Variants in PLA2R1 observed in about 807,000 individuals in gnomAD.
The protein encoded by PLA2R1 is phospholipase A2 receptor 1, also known as secretory phospholipase A2 receptor.
In PLA2R1, 158 loss-of-function variants were observed where a neutral mutation model predicts 195.9. The ratio of observed to expected loss-of-function variants is 0.81; its 90% CI spans 0.71 to 0.92. PLA2R1 has a LOEUF of 0.92. Among genes scored for constraint, PLA2R1 ranks in the 40% least tolerant of loss-of-function variants. The probability of loss-of-function intolerance (pLI) is 0.00; values close to 1 mark genes in which losing one functional copy is unlikely to be tolerated. For missense variants in PLA2R1, 1,626 were observed against 1,764.6 expected, an observed-to-expected ratio of 0.92 and a Z score of 1.41; for synonymous variants, 586 against 598.2, an observed-to-expected ratio of 0.98 and a Z score of 0.30.
intron 14 of PLA2R1, among the ~76,000 whole-genome samples, chr2:159,979,133 C>T (rs546799270): frequency 1.3e-5 from 2 of 152,144 alleles, no homozygotes; most frequent in Non-Finnish European, 2.9e-5. Flanking sequence ...CCCCATTTCA[C>T]AGGTGAAAGT....
intron 13 of PLA2R1, among the ~76,000 whole-genome samples, chr2:159,982,425 C>T (rs746737166): frequency 1.3e-5 from 2 of 152,110 alleles, no homozygotes; most frequent in Admixed American, 1.3e-4. Flanking sequence ...CAGCATTTCC[C>T]GTAGGGACTA....
chr2:160,026,208 G>C (rs991319188), intron 6 of PLA2R1, among the ~76,000 whole-genome samples: 21 of 152,280 alleles, frequency 1.4e-4, no homozygotes, highest in African/African-American at 4.8e-4. Flanking sequence ...GAAGTAAAGA[G>C]ACTTGACAGA....
chr2:160,009,213 G>A (rs1473888287), intron 10 of PLA2R1, among the ~76,000 whole-genome samples: 1 of 152,208 alleles, frequency 6.6e-6, no homozygotes, highest in African/African-American at 2.4e-5. Context: ...AGGCATACAT[G>A]CCAAAGAATT....
At chr2:159,945,856 G>T (rs1687354242) in intron 27 of PLA2R1, 3 of 916,242 alleles carry the variant, frequency 3.3e-6, no homozygotes, top group East Asian at 1.2e-4. Context: ...TCTTATTTAG[G>T]TCATTTAGGT....
At chr2:159,990,778 G>C (rs1288271744) in intron 11 of PLA2R1, among the ~76,000 whole-genome samples, 3 of 152,174 alleles carry the variant, frequency 2.0e-5, no homozygotes, top group African/African-American at 4.8e-5. Flanking sequence ...GCCTGATTAT[G>C]CAGTTGGAAA....
intron 10 of PLA2R1, among the ~76,000 whole-genome samples, chr2:160,011,075 C>T (rs886709813): frequency 6.6e-6 from 1 of 152,214 alleles, no homozygotes; most frequent in Non-Finnish European, 1.5e-5. Flanking sequence ...GCGCTGGCTA[C>T]TGAATACAGT....
downstream of PLA2R1, among the ~76,000 whole-genome samples, chr2:159,931,212 A>T (rs1686578024): frequency 6.6e-6 from 1 of 152,186 alleles, no homozygotes; most frequent in African/African-American, 2.4e-5. Context: ...ATTGTACTAG[A>T]CATTGTAATT....
intron 11 of PLA2R1, among the ~76,000 whole-genome samples, chr2:159,993,684 G>A (rs1690997976): frequency 1.3e-5 from 2 of 151,810 alleles, no homozygotes. Flanking sequence ...AAGACTACTA[G>A]GATCACATCA....
rs1687092748 is a variant in PLA2R1, at chr2:159,941,708, A to C, written c.*70T>G. ...TAATGGCATCTGTGCTGTAAAGGGA[A>C]AGACAGATGAGACTCCTGTTTAGTC... On this transcript the variant is annotated 3_prime_UTR_variant, in exon 30 of 30. Transcript: ENST00000283243. The C allele has an allele frequency of 2.5e-6, 2 of 789,050 alleles. No homozygotes were observed. Among genetic ancestry groups the C allele is most frequent in the Non-Finnish European group, 4.3e-6 (2 of 464,022 alleles). The allele number at this position is 789,050 out of a possible 1,614,324, so 48.9% of individuals were successfully genotyped here.
chr2:159,983,856 C>T (rs1058440), intron 13 of PLA2R1, 72 bp downstream of exon 13: 30,057 of 741,284 alleles, frequency 0.041, 770 homozygotes, highest in Non-Finnish European at 0.051. Flanking sequence ...ACTTGGGATA[C>T]TCACCCCTCA....
intron 1 of PLA2R1, among the ~76,000 whole-genome samples, chr2:160,051,934 T>G (rs1695236895): frequency 2.6e-5 from 4 of 152,228 alleles, no homozygotes; most frequent in African/African-American, 9.6e-5. Flanking sequence ...TCAGTTGCCT[T>G]CTATTAATCA....
In PLA2R1 at chr2:159,990,890, C is replaced by A. The variant is rs79050539; in HGVS notation, c.1835-3532G>T. ...TTATTTGGGTCTACTGTGAGACAGG[C>A]ACTGTGCTAGGCAATTTATATGGTC... On this transcript the variant is annotated intron_variant, in intron 11 of 29. Transcript: ENST00000283243. 8.5e-3 allele frequency among the ~76,000 whole-genome samples: 1,269 copies of A among 149,460 alleles called. 8 individuals carry two copies. The highest frequency in any genetic ancestry group is 0.014 in the Non-Finnish European group (960 of 67,766).
intron 28 of PLA2R1, among the ~76,000 whole-genome samples, chr2:159,943,014 C>T (rs115901400): frequency 0.029 from 4,395 of 151,168 alleles, 202 homozygotes; most frequent in African/African-American, 0.1. Flanking sequence ...CTCTGTTGCC[C>T]GGGCCAGAGT....
At chr2:159,950,729 G>A (rs542731830) in intron 24 of PLA2R1, among the ~76,000 whole-genome samples, 1 of 152,094 alleles carries the variant, frequency 6.6e-6, no homozygotes, top group South Asian at 2.1e-4. Context: ...GTGTATACAT[G>A]GAAAATTTCT....
In PLA2R1 at chr2:159,969,264, GA is replaced by G; in HGVS notation, c.2755del (p.Ser919LeufsTer2). ...NQSQRCGFIS[S>X]ITGLWGSEEC... ...TGGGTAAGTAAAATAACCTGTTATA[GA>G]AGAAATAAAGCCACATCTCTGGCTC... On this transcript the variant is annotated frameshift_variant, in exon 19 of 30. Transcript: ENST00000283243. LOFTEE classifies it high-confidence loss of function. The G allele has an allele frequency of 2.5e-6, 4 of 1,575,030 alleles. No homozygotes were observed. Among genetic ancestry groups the G allele is most frequent in the Non-Finnish European group, 3.5e-6 (4 of 1,145,518 alleles).
intron 1 of PLA2R1, among the ~76,000 whole-genome samples, chr2:160,049,363 T>C (rs1000177164): frequency 6.6e-6 from 1 of 152,358 alleles, no homozygotes; most frequent in African/African-American, 2.4e-5. Context: ...TGACTGCATA[T>C]GGAACATTCA....
intron 10 of PLA2R1, among the ~76,000 whole-genome samples, chr2:160,012,957 T>C (rs1692467166): frequency 6.6e-6 from 1 of 152,062 alleles, no homozygotes; most frequent in Non-Finnish European, 1.5e-5. Context: ...ACGGGTTTCA[T>C]TTCCCATATA....
chr2:159,992,555 G>A (rs1480181775), intron 11 of PLA2R1, among the ~76,000 whole-genome samples: 2 of 149,688 alleles, frequency 1.3e-5, no homozygotes, highest in African/African-American at 5.0e-5. Context: ...CTCATGGGTA[G>A]GAAGAATCAA....
chr2:159,991,623 C>A (rs1177189094), intron 11 of PLA2R1, among the ~76,000 whole-genome samples: 1 of 122,982 alleles, frequency 8.1e-6, no homozygotes, highest in Non-Finnish European at 1.7e-5. Flanking sequence ...CTCCCCCCAC[C>A]CCACAACAGT....
Sources: allele counts gnomAD v4.1 joint callset (sites outside exome capture counted in the v4.1 genomes callset), GRCh38; gene constraint gnomAD v4.1.1; transcripts MANE v1.5; gene names NCBI Gene and HGNC (gene_info 2026-07-23, HGNC 2026-07-21).